Variants in SLC26A1 observed in about 807,000 individuals in gnomAD.
The protein encoded by SLC26A1 is solute carrier family 26 member 1.
Under a neutral mutation model 14.5 loss-of-function variants are expected in SLC26A1, and 18 were observed. The observed-to-expected ratio is 1.24, with a 90% CI of 0.86 to 1.84. SLC26A1 has a LOEUF of 1.84. Ranked by LOEUF, SLC26A1 falls within the 40% of genes most tolerant of loss-of-function variation. The pLI, the probability that SLC26A1 is intolerant of heterozygous loss-of-function variation, is 0.00. For synonymous variants in SLC26A1, 505 were observed against 492.0 expected (o/e 1.03, Z -0.35); for missense variants, 1,049 against 1,020.0 (o/e 1.03, Z -0.39).
At chr4:980,414 T>A (rs1309027943) in intron 2 of SLC26A1, among the ~76,000 whole-genome samples, 1 of 151,914 alleles carries the variant, frequency 6.6e-6, no homozygotes, top group Non-Finnish European at 1.5e-5. Flanking sequence ...GGTGAAACCC[T>A]CTCTCCACTA....
chr4:981,571 G>A (rs1468068742), intron 2 of SLC26A1, among the ~76,000 whole-genome samples: 2 of 152,184 alleles, frequency 1.3e-5, no homozygotes, highest in East Asian at 3.9e-4. Flanking sequence ...CTGAGAGGTC[G>A]AGGCTGTAGT....
At position 989,608 on chromosome 4, in the gene SLC26A1, C is replaced by G. The variant is rs1304954178; in HGVS notation, c.1331G>C (p.Cys444Ser). ...CCCCCGCAGGCTGACCACGATGACG[C>G]AGGCCAGCACGCTTCGCTGTAGGTC... Reference protein sequence around the residue: ...FHDLQRSVLACVIVVSLRGAL... With the variant: ...FHDLQRSVLASVIVVSLRGAL... Residue 444 changes from cysteine to serine, a missense_variant, in exon 3 of 3, where the codon TGC becomes TCC. Cys to Ser is a moderately radical substitution (Grantham distance 112). Coordinates refer to ENST00000398516, the MANE Select transcript of SLC26A1 (RefSeq NM_022042.4). 4 of 1,602,182 alleles carry G rather than the reference C, an allele frequency of 2.5e-6. No homozygotes were observed. Among genetic ancestry groups the G allele is most frequent in the Non-Finnish European group, 3.4e-6 (4 of 1,175,990 alleles).
chr4:991,560 C>G lies in SLC26A1; in HGVS notation c.144G>C (p.Ala48=). The change falls in exon 2 of 3, where the codon GCG becomes GCC. Residue 48 remains alanine, a synonymous_variant. Transcript: ENST00000398516. ...SCSCSVLCVR[A]LVQDLLPATR... The stretch of plus-strand genomic sequence containing the variant: ...TGGCGGGGAGCAGGTCCTGCACCAG[C>G]GCCCGGACGCACAGCACACTGCACG... 6.2e-7 allele frequency: 1 copy of G among 1,603,700 alleles called. No individual in the cohort carries two copies. Among genetic ancestry groups the G allele is most frequent in the Non-Finnish European group, 8.5e-7 (1 of 1,176,988 alleles).
At position 991,425 on chromosome 4, in the gene SLC26A1, C is replaced by A. The variant is rs142651185; in HGVS notation, c.279G>T (p.Leu93=). 1,106 of 1,612,824 alleles carry A rather than the reference C, an allele frequency of 6.9e-4. 5 individuals carry two copies. Among genetic ancestry groups the A allele is most frequent in the African/African-American group, 4.5e-3 (337 of 75,054 alleles). The change falls in exon 2 of 3, where the codon CTG becomes CTT. Residue 93 remains leucine (L), a synonymous_variant. Coordinates refer to ENST00000398516, the MANE Select transcript of SLC26A1 (RefSeq NM_022042.4). ...LVPQAIAYSL[L]AGLQPIYSLY... ...GGCTGTAGATGGGCTGCAGCCCGGC[C>A]AGCAATGAGTAGGCGATGGCCTGCG...
rs1334459799 is a variant in SLC26A1 at position 989,994 on chromosome 4, A to C, written c.945T>G (p.Phe315Leu). Residue 315 changes from phenylalanine (F) to leucine (L), a missense_variant, in exon 3 of 3, where the codon TTT becomes TTG. Transcript: ENST00000398516. ...GGATGTCGCCAGCCACGCTCGAGCC[A>C]AAGCGCTTGTGGAGCTGCCCGAAGT... ...VSHFGQLHKRFGSSVAGDIPT... is the reference protein window; with the variant it reads ...VSHFGQLHKRLGSSVAGDIPT... The C allele has an allele frequency of 6.4e-7, 1 of 1,566,130 alleles. No homozygotes were observed. Among genetic ancestry groups the C allele is most frequent in the East Asian group, 2.4e-5 (1 of 42,184 alleles).
chr4:990,962 G>A (rs531190436), intron 2 of SLC26A1, 166 bp downstream of exon 2: 86 of 675,672 alleles, frequency 1.3e-4, no homozygotes, highest in Non-Finnish European at 1.8e-4. Flanking sequence ...TCGGTGCCTC[G>A]CCCTGGGATG....
downstream of SLC26A1, chr4:986,690 G>C (rs986453668): frequency 2.3e-6 from 1 of 438,458 alleles, no homozygotes; most frequent in Admixed American, 2.4e-5. Flanking sequence ...CCCGGAGATG[G>C]AGGTTGCAGT....
At chr4:990,465 C>T in intron 2 of SLC26A1, 103 bp from the exon 3 acceptor site, 1 of 1,144,516 alleles carries the variant, frequency 8.7e-7, no homozygotes, top group Non-Finnish European at 1.2e-6. Flanking sequence ...GGCACAGGAC[C>T]TGACAATTCT....
At chr4:986,961 ATCG>A, downstream of SLC26A1, 1 of 417,126 alleles carries the variant, frequency 2.4e-6, no homozygotes, top group Non-Finnish European at 4.7e-6. Flanking sequence ...CCACCCGGCC[ATCG>A]CCCCCTCACC....
At chr4:992,468 C>T (rs201742525) in intron 1 of SLC26A1, among the ~76,000 whole-genome samples, 6 of 152,224 alleles carry the variant, frequency 3.9e-5, no homozygotes, top group Non-Finnish European at 2.9e-5. Flanking sequence ...CTAGCCCATC[C>T]GCCTGGACTT....
chr4:985,536 T>G (rs889528013), downstream of SLC26A1, among the ~76,000 whole-genome samples: 7 of 152,236 alleles, frequency 4.6e-5, no homozygotes, highest in African/African-American at 1.4e-4. Flanking sequence ...AGGAATTGTT[T>G]TTAAAGCGAG....
downstream of SLC26A1, chr4:986,696 G>A: frequency 2.3e-6 from 1 of 444,190 alleles, no homozygotes; most frequent in Non-Finnish European, 4.6e-6. Context: ...GATGGAGGTT[G>A]CAGTGAGCTG....
In SLC26A1 at chr4:989,025, C is replaced by T; in HGVS notation, c.1914G>A (p.Gly638=). The change falls in exon 3 of 3, where the codon GGG becomes GGA. Residue 638 remains glycine, a synonymous_variant. Transcript: ENST00000398516. ...STLQDLRRDY[G]ALGISLLLAC... is the part of the protein sequence containing the mutation. ...CTAGCAGCAGGCTGATGCCCAGGGC[C>T]CCGTAGTCTCGGCGCAGGTCCTGCA... 3 of 1,584,486 alleles carry T rather than the reference C, an allele frequency of 1.9e-6. No individual in the cohort carries two copies. The highest frequency in any genetic ancestry group is 1.1e-5 in the South Asian group (1 of 87,610).
At chr4:987,090 T>TCCCCTGCGC (rs928648528), downstream of SLC26A1, 3 of 1,476,834 alleles carry the variant, frequency 2.0e-6, no homozygotes, top group African/African-American at 4.4e-5. Flanking sequence ...TGGCCATGCG[T>TCCCCTGCGC]CCCCTGCGCC....
rs932972602 is a variant in SLC26A1, at chr4:993,348, T to C, written c.-75A>G. ...GGAGGGCCCTGGGATGACGAGGGGCTGGCAAGACCACCGAGGACCGCAGGG... is the reference window on the plus strand; with the variant it reads ...GGAGGGCCCTGGGATGACGAGGGGCCGGCAAGACCACCGAGGACCGCAGGG... On this transcript the variant is annotated 5_prime_UTR_variant, in exon 1 of 3. Coordinates refer to ENST00000398516, the MANE Select transcript of SLC26A1 (RefSeq NM_022042.4). The C allele has an allele frequency of 1.3e-5, 2 of 152,266 alleles. No homozygotes were observed. The highest frequency in any genetic ancestry group is 2.9e-5 in the Non-Finnish European group (2 of 68,074). The allele number at this position is 152,266 out of a possible 1,614,324, so 9.4% of individuals were successfully genotyped here.
At position 988,525 on chromosome 4, in the gene SLC26A1, T is replaced by C; in HGVS notation, c.*308A>G. The C allele has an allele frequency of 2.5e-6, 3 of 1,201,714 alleles. No individual in the cohort carries two copies. The highest frequency in any genetic ancestry group is 3.3e-4 in the Middle Eastern group (1 of 3,042). 74.4% of individuals were successfully genotyped at this position (1,201,714 alleles called of 1,614,324 possible). ...GCGGGGGACCCTTGTTCAAATAAGA[T>C]GTCAACCCTGAGCGTCAGGTCAGGC... is the stretch of plus-strand genomic sequence containing the variant. On this transcript the variant is annotated 3_prime_UTR_variant, in exon 3 of 3. Transcript: ENST00000398516.
At chr4:981,501 GGC>G (rs1713540358) in intron 2 of SLC26A1, among the ~76,000 whole-genome samples, 1 of 152,086 alleles carries the variant, frequency 6.6e-6, no homozygotes, top group Non-Finnish European at 1.5e-5. Flanking sequence ...TAATTAGCCA[GGC>G]ATGTGCTGCC....
At chr4:991,751 T>G in intron 1 of SLC26A1, 21 bp from the exon 2 acceptor site, 1 of 1,530,846 alleles carries the variant, frequency 6.5e-7, no homozygotes, top group Non-Finnish European at 8.7e-7. Context: ...GAAGAGGGCA[T>G]GGTCACAGGA....
intron 2 of SLC26A1, among the ~76,000 whole-genome samples, chr4:980,750 T>C (rs1713515119): frequency 6.6e-6 from 1 of 151,986 alleles, no homozygotes; most frequent in African/African-American, 2.4e-5. Flanking sequence ...CGGGCCATTC[T>C]AGGGGGCAGC....
Sources: allele counts gnomAD v4.1 joint callset (sites outside exome capture counted in the v4.1 genomes callset), GRCh38; gene constraint gnomAD v4.1.1; transcripts MANE v1.5; gene names NCBI Gene and HGNC (gene_info 2026-07-23, HGNC 2026-07-21).